Variants in SRPRB observed in about 807,000 individuals in gnomAD.
SRPRB encodes SRP receptor subunit beta.
A neutral mutation model predicts 31.9 loss-of-function variants in SRPRB; 20 were observed. The ratio of observed to expected loss-of-function variants is 0.63; its 90% confidence interval spans 0.44 to 0.91. The LOEUF (loss-of-function observed/expected upper bound fraction) is 0.91, where lower values mean the gene tolerates loss of function less well. SRPRB is among the 40% of genes least tolerant of loss of function. SRPRB has a pLI of 0.00. For synonymous variants in SRPRB, 146 were observed against 132.8 expected, an observed-to-expected ratio of 1.10 and a Z score of -0.68; for missense variants, 321 against 324.9, an observed-to-expected ratio of 0.99 and a Z score of 0.09.
intron 1 of SRPRB, chr3:133,794,259 T>G (rs1934912793): frequency 6.6e-6 from 1 of 152,200 alleles, no homozygotes; most frequent in African/African-American, 2.4e-5. Context: ...CCAAATTGAA[T>G]ATATTGATGT....
intron 1 of SRPRB, chr3:133,792,795 G>T (rs765914144): frequency 2.0e-5 from 3 of 152,134 alleles, no homozygotes; most frequent in Non-Finnish European, 2.9e-5. Context: ...AGTTGTGGAA[G>T]ATTTATAAAA....
intron 1 of SRPRB, chr3:133,795,099 G>A (rs1483182456): frequency 3.9e-5 from 6 of 152,172 alleles, no homozygotes; most frequent in African/African-American, 1.4e-4. Flanking sequence ...AAGAGTATCT[G>A]TGCAGCTGCT....
intron 1 of SRPRB, chr3:133,789,879 G>GTTTTTTTTTTTTTTTT (rs56267966): frequency 2.2e-5 from 2 of 88,982 alleles, no homozygotes; most frequent in Non-Finnish European, 2.0e-5. Context: ...TCTCGTTTGC[G>GTTTTTTTTTTTTTTTT]TTTTTTTTTT....
At chr3:133,786,877 T>C (rs556578000) in intron 1 of SRPRB, 1 of 152,364 alleles carries the variant, frequency 6.6e-6, no homozygotes, top group African/African-American at 2.4e-5. Flanking sequence ...TTGCCTGATG[T>C]ATGTTAAGTG....
At chr3:133,828,309 A>C (rs187310541), downstream of SRPRB, 142 of 382,734 alleles carry the variant, frequency 3.7e-4, no homozygotes, top group Admixed American at 4.2e-3. Flanking sequence ...AGCCTAATTA[A>C]TTTGCTCAGT....
chr3:133,828,052 A>G, downstream of SRPRB: 1 of 697,266 alleles, frequency 1.4e-6, no homozygotes, highest in Non-Finnish European at 2.6e-6. Flanking sequence ...GGTTGCCTGT[A>G]CCCTCAACCC....
downstream of SRPRB, chr3:133,828,417 C>CCG: frequency 2.7e-6 from 1 of 365,436 alleles, no homozygotes. Flanking sequence ...AAAAGGTTCT[C>CCG]TATAAGTTTA....
Position 133,820,346 on chromosome 3 carries a change from T to C in SRPRB, c.*580T>C, listed in dbSNP as rs1935450240. 1 of 155,476 alleles carries C rather than the reference T, an allele frequency of 6.4e-6. No individual in the cohort carries two copies. The allele number at this position is 155,476 out of a possible 1,614,324, so 9.6% of individuals were successfully genotyped here. On this transcript the variant is annotated 3_prime_UTR_variant, in exon 7 of 7. Transcript: ENST00000678299. ...TATTCTTCATTAGCTCAGTGACTTG[T>C]CCACACTCGTCTTAGCACTTACGTT...
At chr3:133,800,058 C>T (rs1185974923) in intron 1 of SRPRB, among the ~76,000 whole-genome samples, 1 of 152,196 alleles carries the variant, frequency 6.6e-6, no homozygotes, top group African/African-American at 2.4e-5. Flanking sequence ...CACTGTTCCT[C>T]TGTAGTACCA....
chr3:133,795,459 G>C (rs2035518783), intron 1 of SRPRB: 2 of 152,064 alleles, frequency 1.3e-5, no homozygotes, highest in African/African-American at 4.8e-5. Context: ...ACCTACGAAT[G>C]ATGTGCTGAG....
chr3:133,827,749 C>T (rs1423134775), downstream of SRPRB: 5 of 20,676 alleles, frequency 2.4e-4, no homozygotes, highest in Non-Finnish European at 4.8e-4. Flanking sequence ...AGACAACACC[C>T]CCCCCCCCCC....
rs62966063 is a variant in SRPRB at position 133,799,774 on chromosome 3, AC to A, written c.-173-5898del. On this transcript the variant is annotated intron_variant, in intron 1 of 7. Coordinates refer to the SRPRB transcript ENST00000466490. Reference sequence around the variant, plus strand: ...CAAGAAGGATTTAGAAGTAGAAGAGACCCCTTCTGTGTTTAACAGACAAAAA... The same window carrying A: ...CAAGAAGGATTTAGAAGTAGAAGAGACCCTTCTGTGTTTAACAGACAAAAA... Among the ~76,000 whole-genome samples, 1,442 of 152,284 alleles carry A rather than the reference AC, an allele frequency of 9.5e-3. 25 individuals are homozygous for A. The highest frequency in any genetic ancestry group is 0.033 in the African/African-American group (1,358 of 41,538).
At chr3:133,790,298 A>G (rs1304367464) in intron 1 of SRPRB, 2 of 152,200 alleles carry the variant, frequency 1.3e-5, no homozygotes, top group East Asian at 3.8e-4. Context: ...ATAGTTCAGG[A>G]TTTCTAGCTT....
downstream of SRPRB, chr3:133,828,033 A>G: frequency 1.4e-6 from 1 of 702,232 alleles, no homozygotes; most frequent in South Asian, 1.5e-5. Flanking sequence ...GAGGGCACAG[A>G]GAACACAAGG....
Position 133,819,776 on chromosome 3 carries a change from C to G in SRPRB, c.*10C>G. On this transcript the variant is annotated 3_prime_UTR_variant, in exon 7 of 7. Transcript: ENST00000678299. ...GGCTAAAATTGCCTGAGAGGCAGCT[C>G]TAAAGCACAAGACCTGGATGTGTGA... 1.2e-6 allele frequency: 2 copies of G among 1,612,796 alleles called. No individual in the cohort carries two copies. Among genetic ancestry groups the G allele is most frequent in the Non-Finnish European group, 1.7e-6 (2 of 1,179,456 alleles).
At chr3:133,828,165 A>G, downstream of SRPRB, 1 of 589,526 alleles carries the variant, frequency 1.7e-6, no homozygotes, top group Admixed American at 2.9e-5. Context: ...TCAGCTCCAC[A>G]CGAGGTTGAC....
At chr3:133,828,088 A>G (rs1185851082), downstream of SRPRB, 7 of 666,952 alleles carry the variant, frequency 1.0e-5, no homozygotes, top group Non-Finnish European at 1.9e-5. Flanking sequence ...AGGGAAAGAG[A>G]AGGAGAGGTG....
intron 4 of SRPRB, among the ~76,000 whole-genome samples, chr3:133,812,218 T>A (rs1164250537): frequency 2.0e-5 from 3 of 152,248 alleles, no homozygotes; most frequent in African/African-American, 7.2e-5. Context: ...TTAGTTTTGA[T>A]GGAATGAAGT....
At chr3:133,795,935 T>G (rs944324721) in intron 1 of SRPRB, 1 of 152,216 alleles carries the variant, frequency 6.6e-6, no homozygotes, top group African/African-American at 2.4e-5. Context: ...ACTGAGCCCA[T>G]GCGCCAGGCC....
Sources: allele counts gnomAD v4.1 joint callset (sites outside exome capture counted in the v4.1 genomes callset), GRCh38; gene constraint gnomAD v4.1.1; transcripts MANE v1.5; gene names NCBI Gene and HGNC (gene_info 2026-07-23, HGNC 2026-07-21).